Variants in AFAP1 observed in about 807,000 individuals in gnomAD.
The protein encoded by AFAP1 is actin filament associated protein 1.
A neutral mutation model predicts 93.9 loss-of-function variants in AFAP1; 75 were observed. That is an observed-to-expected ratio of 0.80 (90% CI 0.66 to 0.97). AFAP1 has a LOEUF of 0.97. Ranked by LOEUF, AFAP1 falls within the 50% of genes least tolerant of loss-of-function variation. AFAP1 has a pLI of 0.00. For synonymous variants in AFAP1, 517 were observed against 430.7 expected (o/e 1.20, Z -2.48); for missense variants, 1,201 against 1,050.8 (o/e 1.14, Z -1.98).
At chr4:7,897,019 G>A (rs191823987) in intron 1 of AFAP1, among the ~76,000 whole-genome samples, 15 of 152,162 alleles carry the variant, frequency 9.9e-5, no homozygotes, top group Non-Finnish European at 8.8e-5. Context: ...AACCTCTGAA[G>A]ATGTTTGGTC....
chr4:7,915,109 C>T (rs868778530), intron 1 of AFAP1, among the ~76,000 whole-genome samples: 35 of 152,324 alleles, frequency 2.3e-4, no homozygotes, highest in Middle Eastern at 6.8e-3. Flanking sequence ...GTTTCAAACT[C>T]CTGACATCCG....
intron 4 of AFAP1, among the ~76,000 whole-genome samples, chr4:7,850,870 G>A (rs1016945109): frequency 2.0e-5 from 3 of 152,204 alleles, no homozygotes; most frequent in East Asian, 1.9e-4. Flanking sequence ...ATGGATTATC[G>A]TTTACCCTTG....
At chr4:7,861,166 T>C (rs1212205499) in intron 3 of AFAP1, among the ~76,000 whole-genome samples, 1 of 152,216 alleles carries the variant, frequency 6.6e-6, no homozygotes, top group Admixed American at 6.5e-5. Context: ...TAAAATCTGT[T>C]AGGAGTAACA....
At chr4:7,779,277 C>A in intron 13 of AFAP1, 1 of 173,318 alleles carries the variant, frequency 5.8e-6, no homozygotes. Flanking sequence ...GGAGCACGAC[C>A]CTGCAGTGTG....
intron 3 of AFAP1, among the ~76,000 whole-genome samples, chr4:7,868,145 C>G (rs150969983): frequency 5.4e-4 from 81 of 150,914 alleles, no homozygotes; most frequent in African/African-American, 1.9e-3. Flanking sequence ...TATACATTCC[C>G]GAAATATGTA....
chr4:7,825,748 A>G (rs1721367265), intron 6 of AFAP1, among the ~76,000 whole-genome samples: 1 of 152,172 alleles, frequency 6.6e-6, no homozygotes, highest in South Asian at 2.1e-4. Flanking sequence ...AACTACATAA[A>G]GTAGAAAATA....
chr4:7,811,698 G>A (rs540841797), intron 8 of AFAP1, among the ~76,000 whole-genome samples: 14 of 152,288 alleles, frequency 9.2e-5, no homozygotes, highest in African/African-American at 3.1e-4. Flanking sequence ...GAAGGCGCGG[G>A]AGGGGAGCCG....
chr4:7,858,602 A>C (rs573901309), intron 3 of AFAP1, among the ~76,000 whole-genome samples: 1 of 152,296 alleles, frequency 6.6e-6, no homozygotes, highest in African/African-American at 2.4e-5. Context: ...GGTACACAAC[A>C]GGGAAGGTAG....
intron 11 of AFAP1, among the ~76,000 whole-genome samples, chr4:7,788,353 T>A (rs1251180106): frequency 3.3e-5 from 5 of 152,198 alleles, no homozygotes; most frequent in Non-Finnish European, 7.3e-5. Context: ...CAGCGTAGCC[T>A]CGGGAGGTAC....
chr4:7,859,130 G>T (rs542807511), intron 3 of AFAP1, among the ~76,000 whole-genome samples: 2 of 152,160 alleles, frequency 1.3e-5, no homozygotes, highest in Admixed American at 1.3e-4. Flanking sequence ...AAGGCAACAA[G>T]GGTCCTTGGG....
rs770107800 is a variant in AFAP1 at position 7,768,901 on chromosome 4, C to G, written c.2361G>C (p.Lys787Asn). 56 of 1,612,524 alleles carry G rather than the reference C, an allele frequency of 3.5e-5. No individual in the cohort carries two copies. Among genetic ancestry groups the G allele is most frequent in the Non-Finnish European group, 4.5e-5 (53 of 1,178,916 alleles). The change falls in exon 17 of 18, where the codon AAG becomes AAC. Residue 787 changes from lysine to asparagine, a missense_variant. Transcript: ENST00000420658. ...VPVNSAAVLK[K>N]SQAAPGSSPC... ...GGGAGCTGCCCGGGGCAGCCTGGCT[C>G]TTCTTCAAGACGGCCGCGCTGTTCA...
intron 14 of AFAP1, chr4:7,776,277 G>C (rs1390085496): frequency 6.6e-6 from 1 of 152,148 alleles, no homozygotes; most frequent in Non-Finnish European, 1.5e-5. Flanking sequence ...GAGGTGGCTA[G>C]AAACCCACAC....
At chr4:7,763,867 T>G in intron 17 of AFAP1, 76 bp from the exon 18 acceptor site, 2 of 1,470,174 alleles carry the variant, frequency 1.4e-6, no homozygotes, top group Non-Finnish European at 1.9e-6. Flanking sequence ...CCATCCACAT[T>G]CAACTCAGAG....
At chr4:7,820,243 T>C (rs1423358380) in intron 6 of AFAP1, among the ~76,000 whole-genome samples, 2 of 152,152 alleles carry the variant, frequency 1.3e-5, no homozygotes, top group Admixed American at 6.5e-5. Flanking sequence ...CCTGGATTCT[T>C]AGCAACTGGG....
At chr4:7,829,124 A>C (rs573116956) in intron 6 of AFAP1, among the ~76,000 whole-genome samples, 2 of 152,152 alleles carry the variant, frequency 1.3e-5, no homozygotes, top group Non-Finnish European at 2.9e-5. Context: ...CCAAGATTGT[A>C]AGTTTCCCAA....
chr4:7,798,538 G>A (rs1443164206), intron 10 of AFAP1, among the ~76,000 whole-genome samples: 1 of 152,216 alleles, frequency 6.6e-6, no homozygotes, highest in Non-Finnish European at 1.5e-5. Flanking sequence ...TTGGAAGGCT[G>A]TAGATGTTTA....
Position 7,868,847 on chromosome 4 carries a change from AAC to A in AFAP1, c.128-130_128-129del, listed in dbSNP as rs541870502. 2.2e-4 allele frequency: 169 copies of A among 785,738 alleles called. No homozygotes were observed. The African/African-American group carries it at 2.7e-3, about 13-fold the overall frequency. 48.7% of individuals were successfully genotyped at this position (785,738 alleles called of 1,614,324 possible). A position where few individuals can be genotyped will look rare whatever the true frequency, so the allele number is the denominator to read the frequency against. On this transcript the variant is annotated intron_variant, in intron 2 of 17. Coordinates refer to ENST00000420658, the MANE Select transcript of AFAP1 (RefSeq NM_001134647.2). ...ATATTTATTTTCTCTAATCCTTTAC[AAC>A]AGTCCTGCAAGGTTAGGTATTATTC...
intron 4 of AFAP1, among the ~76,000 whole-genome samples, chr4:7,846,399 A>G (rs1370641967): frequency 6.6e-6 from 1 of 152,238 alleles, no homozygotes; most frequent in African/African-American, 2.4e-5. Flanking sequence ...GAAGATGGGC[A>G]GAGGCCAGAC....
chr4:7,934,267 G>C (rs140963266), intron 1 of AFAP1, among the ~76,000 whole-genome samples: 15 of 152,240 alleles, frequency 9.9e-5, no homozygotes, highest in Admixed American at 2.0e-4. Context: ...AGACTAACCC[G>C]GCTCCAGATG....
Sources: allele counts gnomAD v4.1 joint callset (sites outside exome capture counted in the v4.1 genomes callset), GRCh38; gene constraint gnomAD v4.1.1; transcripts MANE v1.5; gene names NCBI Gene and HGNC (gene_info 2026-07-23, HGNC 2026-07-21).